The following TRPM6 variants were observed in gnomAD, a reference collection of about 807,000 sequenced individuals.
TRPM6 encodes the protein transient receptor potential cation channel subfamily M member 6.
TRPM6 carries 111 observed loss-of-function variants against 247.6 expected under a neutral mutation model. The observed-to-expected ratio is 0.45, with a 90% CI of 0.38 to 0.52. The LOEUF (loss-of-function observed/expected upper bound fraction) is 0.52. TRPM6 is among the 20% of genes least tolerant of loss of function. TRPM6 has a pLI of 0.00. For synonymous variants in TRPM6, 892 were observed against 853.8 expected (o/e 1.04, Z -0.78); for missense variants, 2,126 against 2,421.5 (o/e 0.88, Z 2.56).
intron 20 of TRPM6, among the ~76,000 whole-genome samples, chr9:74,787,746 C>T (rs965622261): frequency 3.3e-5 from 5 of 152,162 alleles, no homozygotes; most frequent in Admixed American, 6.5e-5. Context: ...GACGGAGTCT[C>T]GCTCTGTCAC....
At chr9:74,782,949 A>G in intron 21 of TRPM6, 96 bp from the exon 22 acceptor site, 2 of 1,185,928 alleles carry the variant, frequency 1.7e-6, no homozygotes, top group Non-Finnish European at 2.5e-6. Context: ...CCTGCAAATA[A>G]TAAGATTGTC....
At chr9:74,753,707 C>A (rs991793927) in intron 28 of TRPM6, among the ~76,000 whole-genome samples, 2 of 152,092 alleles carry the variant, frequency 1.3e-5, no homozygotes, top group African/African-American at 4.8e-5. Context: ...AAAATAAAAA[C>A]AGAGAGAGAG....
chr9:74,758,967 T>C (rs569695624), intron 27 of TRPM6, among the ~76,000 whole-genome samples: 1 of 152,246 alleles, frequency 6.6e-6, no homozygotes, highest in East Asian at 1.9e-4. Flanking sequence ...AATTTCTATA[T>C]ACCATAAACA....
At chr9:74,808,877 C>T (rs1828629287) in intron 13 of TRPM6, among the ~76,000 whole-genome samples, 1 of 152,204 alleles carries the variant, frequency 6.6e-6, no homozygotes, top group Non-Finnish European at 1.5e-5. Flanking sequence ...CCAGTATAGA[C>T]AGTATAGTGT....
chr9:74,733,911 T>C (rs1563988419), intron 36 of TRPM6, among the ~76,000 whole-genome samples: 1 of 152,204 alleles, frequency 6.6e-6, no homozygotes, highest in Non-Finnish European at 1.5e-5. Context: ...ACCACCAAAT[T>C]CTTGATCTGG....
chr9:74,871,321 G>T (rs182515002), intron 1 of TRPM6, among the ~76,000 whole-genome samples: 7 of 152,120 alleles, frequency 4.6e-5, no homozygotes, highest in African/African-American at 1.7e-4. Context: ...ATTACAGTTT[G>T]TTGTGCATTC....
intron 1 of TRPM6, chr9:74,887,553 G>C (rs1831577873): frequency 7.0e-7 from 1 of 1,421,892 alleles, no homozygotes; most frequent in Non-Finnish European, 9.6e-7. Flanking sequence ...TTTCCGCTCT[G>C]ACACCACCTC....
At chr9:74,810,316 G>C (rs1386897525) in intron 13 of TRPM6, among the ~76,000 whole-genome samples, 2 of 152,142 alleles carry the variant, frequency 1.3e-5, no homozygotes, top group Admixed American at 1.3e-4. Context: ...AACACCATGA[G>C]CAAAACATGA....
In TRPM6 at chr9:74,834,035, C is replaced by A; in HGVS notation, c.632G>T (p.Gly211Val). 4 of 1,614,098 alleles carry A rather than the reference C, an allele frequency of 2.5e-6. No homozygotes were observed. Among genetic ancestry groups the A allele is most frequent in the Non-Finnish European group, 3.4e-6 (4 of 1,179,974 alleles). The change falls in exon 6 of 39, where the codon GGT becomes GTT. Residue 211 changes from glycine (G) to valine (V), a missense_variant. Physicochemically the swap from Gly to Val is moderately radical, Grantham distance 109. Transcript: ENST00000360774. ...KIWTVGIPPW[G>V]VIENQRDLIG... ...AAGGTCTCTCTGGTTCTCAATGACACCCCAAGGAGGGATTCCAACTGTCCA... is the reference window on the plus strand; with the variant it reads ...AAGGTCTCTCTGGTTCTCAATGACAACCCAAGGAGGGATTCCAACTGTCCA...
Position 74,762,655 on chromosome 9 carries a change from G to A in TRPM6, c.4016C>T (p.Ser1339Leu), listed in dbSNP as rs1443210351. 6.2e-7 allele frequency: 1 copy of A among 1,614,056 alleles called. No homozygotes were observed. Among genetic ancestry groups the A allele is most frequent in the African/African-American group, 1.3e-5 (1 of 74,938 alleles). Residue 1339 changes from serine (S) to leucine (L), a missense_variant, in exon 26 of 39, where the codon TCA (serine) becomes TTA (leucine). Coordinates refer to ENST00000360774, the MANE Select transcript of TRPM6 (RefSeq NM_017662.5). ...SGVSPNRQAH[S>L]KYGQFLLVPS... ...GACCAGAAGAAACTGGCCATACTTT[G>A]AGTGTGCTTGCCTGTTAGGAGACAC...
At chr9:74,809,110 T>C (rs988820247) in intron 13 of TRPM6, among the ~76,000 whole-genome samples, 2 of 152,166 alleles carry the variant, frequency 1.3e-5, no homozygotes, top group African/African-American at 4.8e-5. Flanking sequence ...CAGGCATACC[T>C]TAGAGATATT....
At position 74,887,652 on chromosome 9, in the gene TRPM6, T is replaced by C. The variant is rs752206221; in HGVS notation, c.33+172A>G. On this transcript the variant is annotated intron_variant, in intron 1 of 38. Transcript: ENST00000360774. ...CTACCTTAGATAGGATAATCATCTTTGGGTGGAGACCAGAGAACTTGAAAG... is the reference window on the plus strand; with the variant it reads ...CTACCTTAGATAGGATAATCATCTTCGGGTGGAGACCAGAGAACTTGAAAG... The C allele has an allele frequency of 5.0e-6, 8 of 1,587,116 alleles. No homozygotes were observed. Among genetic ancestry groups the C allele is most frequent in the African/African-American group, 1.3e-5 (1 of 74,498 alleles).
chr9:74,858,569 A>T, intron 2 of TRPM6, 100 bp downstream of exon 2: 1 of 698,344 alleles, frequency 1.4e-6, no homozygotes, highest in South Asian at 2.0e-5. Context: ...AACTTTATAG[A>T]TATGATCAAA....
intron 1 of TRPM6, among the ~76,000 whole-genome samples, chr9:74,884,851 G>T (rs549263726): frequency 2.0e-5 from 3 of 152,034 alleles, no homozygotes; most frequent in African/African-American, 7.2e-5. Flanking sequence ...AATGATAGAA[G>T]AAATCAAAAA....
At chr9:74,774,119 A>T (rs1036713692) in intron 24 of TRPM6, among the ~76,000 whole-genome samples, 1 of 152,214 alleles carries the variant, frequency 6.6e-6, no homozygotes, top group Non-Finnish European at 1.5e-5. Flanking sequence ...TATCCTCAAT[A>T]TAAAGGATCA....
At chr9:74,879,171 T>C (rs1205041617) in intron 1 of TRPM6, among the ~76,000 whole-genome samples, 1 of 151,874 alleles carries the variant, frequency 6.6e-6, no homozygotes, top group Non-Finnish European at 1.5e-5. Flanking sequence ...AAGAATTCTC[T>C]GAATGAAATA....
intron 12 of TRPM6, among the ~76,000 whole-genome samples, chr9:74,811,282 A>G (rs1341739206): frequency 6.6e-6 from 1 of 152,228 alleles, no homozygotes; most frequent in Non-Finnish European, 1.5e-5. Context: ...ATAATAGAAA[A>G]GAGTGGCTAC....
intron 1 of TRPM6, among the ~76,000 whole-genome samples, chr9:74,874,714 T>C (rs1236067594): frequency 6.6e-6 from 1 of 152,036 alleles, no homozygotes; most frequent in Non-Finnish European, 1.5e-5. Flanking sequence ...TTTTCTTTTT[T>C]TTTAAGAATG....
intron 27 of TRPM6, among the ~76,000 whole-genome samples, chr9:74,755,740 G>C (rs1218046743): frequency 2.6e-5 from 4 of 152,122 alleles, no homozygotes; most frequent in Admixed American, 2.6e-4. Context: ...AAGGGCTTGG[G>C]GGCTGGTTTA....
Sources: allele counts gnomAD v4.1 joint callset (sites outside exome capture counted in the v4.1 genomes callset), GRCh38; gene constraint gnomAD v4.1.1; transcripts MANE v1.5; gene names NCBI Gene and HGNC (gene_info 2026-07-23, HGNC 2026-07-21).